Variants in DSE observed in about 807,000 individuals in gnomAD.
DSE encodes the protein dermatan sulfate epimerase.
A neutral mutation model predicts 84.4 loss-of-function variants in DSE; 36 were observed. That is an observed-to-expected ratio of 0.43 (90% CI 0.33 to 0.56). DSE has a LOEUF of 0.56. DSE is among the 20% of genes least tolerant of loss of function. DSE has a pLI of 0.06. For missense variants in DSE, 862 were observed against 1,169.6 expected, an observed-to-expected ratio of 0.74 and a Z score of 3.84; for synonymous variants, 410 against 430.1, an observed-to-expected ratio of 0.95 and a Z score of 0.58.
chr6:116,336,902 A>T (rs1423153329), intron 2 of DSE, among the ~76,000 whole-genome samples: 1 of 152,198 alleles, frequency 6.6e-6, no homozygotes, highest in East Asian at 1.9e-4. Context: ...GAATCATTAA[A>T]TAATAATTTT....
At chr6:116,366,480 A>G (rs1562256814), upstream of DSE, 1 of 152,236 alleles carries the variant, frequency 6.6e-6, no homozygotes, top group Non-Finnish European at 1.5e-5. Flanking sequence ...AAAAGAATAA[A>G]CATCTAATTT....
At chr6:116,423,303 G>C (rs1783212684) in intron 2 of DSE, 1 of 152,184 alleles carries the variant, frequency 6.6e-6, no homozygotes, top group African/African-American at 2.4e-5. Flanking sequence ...TCATGATATA[G>C]TGTGATTGAG....
intron 2 of DSE, among the ~76,000 whole-genome samples, chr6:116,347,610 G>T (rs1778065179): frequency 1.3e-5 from 2 of 152,186 alleles, no homozygotes; most frequent in East Asian, 3.8e-4. Context: ...GCTGAAACTG[G>T]ATCCCTTCCT....
At chr6:116,364,342 G>C (rs907443939) in intron 2 of DSE, among the ~76,000 whole-genome samples, 7 of 152,322 alleles carry the variant, frequency 4.6e-5, no homozygotes, top group Middle Eastern at 3.4e-3. Context: ...TTGGAGTTTG[G>C]TGAGAAAGGA....
At chr6:116,402,440 C>T (rs1781654152) in intron 2 of DSE, among the ~76,000 whole-genome samples, 1 of 152,088 alleles carries the variant, frequency 6.6e-6, no homozygotes, top group Non-Finnish European at 1.5e-5. Context: ...TATAATGTGG[C>T]AGTAACAACC....
chr6:116,259,684 G>A (rs1322360527), intron 2 of DSE, among the ~76,000 whole-genome samples: 2 of 152,104 alleles, frequency 1.3e-5, no homozygotes, highest in African/African-American at 4.8e-5. Context: ...CCCAGTGTGT[G>A]TTGTTCGTCC....
intron 2 of DSE, among the ~76,000 whole-genome samples, chr6:116,420,966 A>G (rs1389191226): frequency 1.3e-5 from 2 of 152,242 alleles, no homozygotes; most frequent in African/African-American, 2.4e-5. Flanking sequence ...TTATGATAAT[A>G]GAAGCAGTCT....
chr6:116,359,078 T>C (rs1022801331), intron 2 of DSE, among the ~76,000 whole-genome samples: 1 of 152,120 alleles, frequency 6.6e-6, no homozygotes, highest in African/African-American at 2.4e-5. Flanking sequence ...TTTAATGAAA[T>C]AGACTGAAAT....
At chr6:116,279,351 G>A (rs778839029) in intron 2 of DSE, 2 of 1,611,242 alleles carry the variant, frequency 1.2e-6, no homozygotes, top group African/African-American at 1.3e-5. Context: ...AGACGGTGGC[G>A]CACTTTCCTG....
chr6:116,370,943 TC>T (rs1475454709), upstream of DSE: 13 of 984,752 alleles, frequency 1.3e-5, no homozygotes, highest in Non-Finnish European at 1.6e-5. Context: ...CCGGCCCGGC[TC>T]TCAGTAGCGT....
At chr6:116,425,542 T>C (rs1783374744) in intron 2 of DSE, among the ~76,000 whole-genome samples, 1 of 152,202 alleles carries the variant, frequency 6.6e-6, no homozygotes, top group Admixed American at 6.5e-5. Flanking sequence ...CAGAATAATA[T>C]AGCTAGTCAA....
Position 116,436,953 on chromosome 6 carries a change from A to G in DSE, c.2485A>G (p.Ile829Val), listed in dbSNP as rs1396269339. The G allele has an allele frequency of 1.9e-6, 3 of 1,613,942 alleles. No homozygotes were observed. Among genetic ancestry groups the G allele is most frequent in the African/African-American group, 2.7e-5 (2 of 74,890 alleles). ...TGCTGTCCCTGATATTTTTGCACAGATTGAAGTCAATGAGAAAAAGATTAG... is the reference window on the plus strand; with the variant it reads ...TGCTGTCCCTGATATTTTTGCACAGGTTGAAGTCAATGAGAAAAAGATTAG... ...VDAVPDIFAQ[I>V]EVNEKKIRQK... is the part of the protein sequence containing the mutation. Residue 829 changes from isoleucine to valine, a missense_variant, in exon 6 of 6, where the codon ATT becomes GTT. Physicochemically the swap from Ile to Val is conservative, Grantham distance 29. Transcript: ENST00000644252.
chr6:116,342,135 AT>A (rs1253193047), intron 2 of DSE, among the ~76,000 whole-genome samples: 3 of 151,856 alleles, frequency 2.0e-5, no homozygotes, highest in East Asian at 1.9e-4. Context: ...TTGTTCAATT[AT>A]TTTTTTTCCT....
chr6:116,408,007 C>G (rs1430693412), intron 2 of DSE, among the ~76,000 whole-genome samples: 1 of 152,292 alleles, frequency 6.6e-6, no homozygotes, highest in South Asian at 2.1e-4. Flanking sequence ...CTGATTTATA[C>G]CTTGTCTTCC....
intron 1 of DSE, among the ~76,000 whole-genome samples, chr6:116,377,773 G>A (rs976180607): frequency 3.9e-5 from 6 of 152,084 alleles, no homozygotes; most frequent in African/African-American, 1.4e-4. Flanking sequence ...CAGTAATGAA[G>A]ACCAAGGTAC....
intron 2 of DSE, among the ~76,000 whole-genome samples, chr6:116,331,587 C>G (rs189993081): frequency 4.6e-4 from 70 of 152,250 alleles, no homozygotes; most frequent in African/African-American, 1.7e-3. Flanking sequence ...CAGAGCCAAA[C>G]CATATCAATA....
At chr6:116,256,367 C>T (rs1377587477) in intron 1 of DSE, 6 of 152,198 alleles carry the variant, frequency 3.9e-5, no homozygotes, top group African/African-American at 1.4e-4. Context: ...GGCTACAAAC[C>T]TGAACAGCAT....
intron 2 of DSE, among the ~76,000 whole-genome samples, chr6:116,332,554 A>ATAAT (rs1777014800): frequency 6.6e-6 from 1 of 152,206 alleles, no homozygotes; most frequent in Non-Finnish European, 1.5e-5. Flanking sequence ...GATAATTAGG[A>ATAAT]TAGTACAGTA....
At chr6:116,418,464 C>T (rs1782857972) in intron 2 of DSE, among the ~76,000 whole-genome samples, 1 of 152,210 alleles carries the variant, frequency 6.6e-6, no homozygotes, top group African/African-American at 2.4e-5. Context: ...TGTGCAGGCT[C>T]ATCAGGGAGG....
Sources: allele counts gnomAD v4.1 joint callset (sites outside exome capture counted in the v4.1 genomes callset), GRCh38; gene constraint gnomAD v4.1.1; transcripts MANE v1.5; gene names NCBI Gene and HGNC (gene_info 2026-07-23, HGNC 2026-07-21).